Variants in DNAJC1 observed in about 807,000 individuals in gnomAD.
DNAJC1 encodes the protein dnaJ homolog subfamily C member 1.
A neutral mutation model predicts 76.6 loss-of-function variants in DNAJC1; 58 were observed. That is an observed-to-expected ratio of 0.76 (90% CI 0.61 to 0.94). The LOEUF (loss-of-function observed/expected upper bound fraction) is 0.94. Ranked by LOEUF, DNAJC1 falls within the 40% of genes least tolerant of loss-of-function variation. The pLI, the probability that DNAJC1 is intolerant of heterozygous loss-of-function variation, is 0.00. For synonymous variants in DNAJC1, 258 were observed against 267.9 expected, an observed-to-expected ratio of 0.96 and a Z score of 0.36; for missense variants, 689 against 677.3, an observed-to-expected ratio of 1.02 and a Z score of -0.19.
intron 8 of DNAJC1, among the ~76,000 whole-genome samples, chr10:21,813,016 TACACACACATAC>T (rs1564794519): frequency 2.4e-5 from 2 of 82,286 alleles, no homozygotes; most frequent in East Asian, 5.1e-4. Context: ...AAAAGACATA[TACACACACATAC>T]ACACACACAC....
intron 1 of DNAJC1, among the ~76,000 whole-genome samples, chr10:21,953,843 AAAG>A (rs1278207126): frequency 3.3e-5 from 5 of 150,124 alleles, no homozygotes; most frequent in African/African-American, 1.2e-4. Context: ...AAAAAAAAAA[AAAG>A]AAGAGGAAAA....
At chr10:21,882,930 T>C (rs1836305700) in intron 7 of DNAJC1, among the ~76,000 whole-genome samples, 1 of 152,116 alleles carries the variant, frequency 6.6e-6, no homozygotes, top group Non-Finnish European at 1.5e-5. Flanking sequence ...TATGAATCGA[T>C]GGCCATCCAT....
intron 8 of DNAJC1, among the ~76,000 whole-genome samples, chr10:21,826,761 C>A (rs1228231533): frequency 2.6e-5 from 4 of 152,172 alleles, no homozygotes; most frequent in African/African-American, 9.7e-5. Context: ...AAAAGACTGT[C>A]TTCTCCACAC....
chr10:21,886,424 T>G (rs1464330256), intron 7 of DNAJC1, among the ~76,000 whole-genome samples: 1 of 152,154 alleles, frequency 6.6e-6, no homozygotes, highest in Admixed American at 6.6e-5. Flanking sequence ...GTATCATTCC[T>G]ACAGAAACAA....
intron 8 of DNAJC1, among the ~76,000 whole-genome samples, chr10:21,806,553 T>TA (rs1234648097): frequency 6.6e-6 from 1 of 151,650 alleles, no homozygotes; most frequent in Non-Finnish European, 1.5e-5. Context: ...AAAATAAAAA[T>TA]AAAAAACTTA....
chr10:21,772,984 T>C (rs1440475502), intron 9 of DNAJC1, among the ~76,000 whole-genome samples: 1 of 152,078 alleles, frequency 6.6e-6, no homozygotes, highest in Non-Finnish European at 1.5e-5. Context: ...TGCATACTTT[T>C]AAACAACCAG....
intron 1 of DNAJC1, among the ~76,000 whole-genome samples, chr10:21,972,355 A>G (rs1250143475): frequency 6.6e-6 from 1 of 152,024 alleles, no homozygotes; most frequent in African/African-American, 2.4e-5. Flanking sequence ...AAGACATTAC[A>G]CAAAAAATAT....
intron 8 of DNAJC1, among the ~76,000 whole-genome samples, chr10:21,814,566 A>G (rs1490870458): frequency 6.6e-6 from 1 of 152,192 alleles, no homozygotes; most frequent in Admixed American, 6.5e-5. Context: ...GAAGAATGGG[A>G]TCAGGTGGGT....
At position 21,812,420 on chromosome 10, in the gene DNAJC1, C is replaced by T. The variant is rs114501265; in HGVS notation, c.979-6321G>A. ...GCCAAGTGAATGCTTTCTTGAAGTA[C>T]GTGTTCATGTCTTTTGACCATTTGT... On this transcript the variant is annotated intron_variant, in intron 8 of 11. Coordinates refer to ENST00000376980, the MANE Select transcript of DNAJC1 (RefSeq NM_022365.4). Among the ~76,000 whole-genome samples, 1,152 of 152,140 alleles carry T rather than the reference C, an allele frequency of 7.6e-3. 13 individuals are homozygous for T. Among genetic ancestry groups the T allele is most frequent in the African/African-American group, 0.026 (1,066 of 41,514 alleles).
chr10:21,911,982 T>C (rs1329066354), intron 6 of DNAJC1, among the ~76,000 whole-genome samples: 1 of 152,176 alleles, frequency 6.6e-6, no homozygotes, highest in African/African-American at 2.4e-5. Flanking sequence ...AGGTTAGGTA[T>C]ATTTAATGTA....
chr10:21,932,113 GA>G (rs1186935156), intron 1 of DNAJC1, among the ~76,000 whole-genome samples: 1 of 152,126 alleles, frequency 6.6e-6, no homozygotes, highest in Non-Finnish European at 1.5e-5. Context: ...GAGGCAGGCA[GA>G]TCACTTGAGC....
chr10:21,766,998 C>T (rs934427857), intron 9 of DNAJC1, among the ~76,000 whole-genome samples: 1 of 148,430 alleles, frequency 6.7e-6, no homozygotes, highest in African/African-American at 2.5e-5. Context: ...AAAGATACTA[C>T]TTTCATTATG....
intron 8 of DNAJC1, among the ~76,000 whole-genome samples, chr10:21,877,635 C>G (rs1439531926): frequency 6.6e-6 from 1 of 152,090 alleles, no homozygotes; most frequent in Non-Finnish European, 1.5e-5. Context: ...TGCATACTTA[C>G]CAGAATGGAT....
At chr10:21,979,954 T>C (rs1261474647) in intron 1 of DNAJC1, among the ~76,000 whole-genome samples, 1 of 152,082 alleles carries the variant, frequency 6.6e-6, no homozygotes, top group East Asian at 1.9e-4. Flanking sequence ...CCTATGACTT[T>C]TGCATTCTGC....
intron 3 of DNAJC1, among the ~76,000 whole-genome samples, chr10:21,923,161 T>A (rs1360649609): frequency 1.1e-4 from 17 of 151,974 alleles, no homozygotes; most frequent in Non-Finnish European, 2.9e-5. Flanking sequence ...CTAGCCTATG[T>A]CTGTCACTCT....
chr10:21,822,740 T>C (rs1176396702), intron 8 of DNAJC1, among the ~76,000 whole-genome samples: 1 of 152,030 alleles, frequency 6.6e-6, no homozygotes, highest in Non-Finnish European at 1.5e-5. Flanking sequence ...TCAAGCCAAA[T>C]TGCTGAAGTG....
intron 8 of DNAJC1, among the ~76,000 whole-genome samples, chr10:21,837,332 C>T (rs1049794696): frequency 2.1e-4 from 32 of 152,008 alleles, no homozygotes; most frequent in Non-Finnish European, 3.5e-4. Context: ...CCGGCCGCCA[C>T]CCCGTCTGAG....
intron 1 of DNAJC1, among the ~76,000 whole-genome samples, chr10:21,929,457 A>C (rs1275300345): frequency 2.6e-5 from 4 of 152,234 alleles, no homozygotes; most frequent in Non-Finnish European, 4.4e-5. Context: ...TAATTAAGAG[A>C]TCAAAAAGAA....
chr10:21,810,543 G>A (rs1251295814), intron 8 of DNAJC1, among the ~76,000 whole-genome samples: 1 of 152,160 alleles, frequency 6.6e-6, no homozygotes, highest in African/African-American at 2.4e-5. Context: ...GACCCAAAGA[G>A]TCATGAATTA....
Sources: allele counts gnomAD v4.1 joint callset (sites outside exome capture counted in the v4.1 genomes callset), GRCh38; gene constraint gnomAD v4.1.1; transcripts MANE v1.5; gene names NCBI Gene and HGNC (gene_info 2026-07-23, HGNC 2026-07-21).